The following ANKRD31 variants were observed in gnomAD, a reference collection of about 807,000 sequenced individuals.
The protein encoded by ANKRD31 is ankyrin repeat domain-containing protein 31.
Under a neutral mutation model 186.0 loss-of-function variants are expected in ANKRD31, and 147 were observed. The ratio of observed to expected loss-of-function variants is 0.79; its 90% confidence interval spans 0.69 to 0.91. ANKRD31 has a LOEUF of 0.91. Ranked by LOEUF, ANKRD31 falls within the 40% of genes least tolerant of loss-of-function variation. The pLI is 0.00. For missense variants in ANKRD31, 1,986 were observed against 2,148.8 expected, an observed-to-expected ratio of 0.92 and a Z score of 1.50; for synonymous variants, 673 against 736.4, an observed-to-expected ratio of 0.91 and a Z score of 1.39.
At chr5:75,090,895 G>A (rs757384827) in intron 23 of ANKRD31, among the ~76,000 whole-genome samples, 2 of 152,180 alleles carry the variant, frequency 1.3e-5, no homozygotes, top group African/African-American at 2.4e-5. Flanking sequence ...TATTAACTAA[G>A]TTACCAATAC....
At chr5:75,113,525 C>T (rs1747946520) in intron 19 of ANKRD31, among the ~76,000 whole-genome samples, 1 of 152,216 alleles carries the variant, frequency 6.6e-6, no homozygotes, top group African/African-American at 2.4e-5. Context: ...ATGGTTTCAA[C>T]ATTGTGGGTT....
chr5:75,104,061 A>G (rs1487853521), intron 22 of ANKRD31, among the ~76,000 whole-genome samples, 167 bp downstream of exon 22: 2 of 152,228 alleles, frequency 1.3e-5, no homozygotes, highest in Non-Finnish European at 2.9e-5. Context: ...CAATTCCAGA[A>G]ATATGAATTC....
At chr5:75,110,536 C>T (rs1351547101) in intron 20 of ANKRD31, among the ~76,000 whole-genome samples, 1 of 151,624 alleles carries the variant, frequency 6.6e-6, no homozygotes, top group African/African-American at 2.4e-5. Flanking sequence ...ATGGTGAAAC[C>T]CTGTCTTTAC....
intron 19 of ANKRD31, among the ~76,000 whole-genome samples, chr5:75,115,972 C>T (rs541947000): frequency 4.6e-5 from 7 of 151,856 alleles, no homozygotes; most frequent in Admixed American, 6.6e-5. Flanking sequence ...ATGTTTGTTG[C>T]GGCATTATTC....
chr5:75,220,637 C>T (rs111888930), intron 3 of ANKRD31, among the ~76,000 whole-genome samples: 4,810 of 122,674 alleles, frequency 0.039, 246 homozygotes, highest in African/African-American at 0.18. Context: ...AGCAAAACTC[C>T]GTCTCAAAAA....
At chr5:75,088,912 T>C (rs1745719673) in intron 23 of ANKRD31, among the ~76,000 whole-genome samples, 1 of 152,230 alleles carries the variant, frequency 6.6e-6, no homozygotes, top group Admixed American at 6.5e-5. Context: ...ACTTATTTTA[T>C]ACATAAGAAA....
intron 22 of ANKRD31, among the ~76,000 whole-genome samples, chr5:75,102,250 T>A (rs1256367396): frequency 6.6e-6 from 1 of 152,226 alleles, no homozygotes; most frequent in Non-Finnish European, 1.5e-5. Flanking sequence ...GAGCAGCCAA[T>A]ACTGCAGAAC....
chr5:75,199,147 G>A (rs1341132795), intron 6 of ANKRD31, among the ~76,000 whole-genome samples: 1 of 152,136 alleles, frequency 6.6e-6, no homozygotes, highest in Non-Finnish European at 1.5e-5. Flanking sequence ...GTTCCAGGTG[G>A]CAGTGAGTTA....
At chr5:75,225,991 G>A (rs1468054117) in intron 2 of ANKRD31, among the ~76,000 whole-genome samples, 1 of 152,180 alleles carries the variant, frequency 6.6e-6, no homozygotes, top group Non-Finnish European at 1.5e-5. Context: ...AGAGCCCTAG[G>A]GCATTAAGTG....
chr5:75,084,726 ATT>A (rs1390147062), intron 23 of ANKRD31, among the ~76,000 whole-genome samples: 2 of 152,226 alleles, frequency 1.3e-5, no homozygotes, highest in Non-Finnish European at 2.9e-5. Flanking sequence ...CTATTCACTT[ATT>A]CAACAACTAT....
At chr5:75,214,302 C>G (rs1356174533) in intron 3 of ANKRD31, among the ~76,000 whole-genome samples, 3 of 152,166 alleles carry the variant, frequency 2.0e-5, no homozygotes, top group Non-Finnish European at 4.4e-5. Flanking sequence ...CATCCTACTT[C>G]TTCCCAGAAA....
At chr5:75,216,194 T>C (rs1366428790) in intron 3 of ANKRD31, among the ~76,000 whole-genome samples, 1 of 152,186 alleles carries the variant, frequency 6.6e-6, no homozygotes, top group Non-Finnish European at 1.5e-5. Context: ...TGATAAAGTT[T>C]TGAAGAATAC....
intron 23 of ANKRD31, among the ~76,000 whole-genome samples, chr5:75,087,552 T>A (rs1745597481): frequency 1.3e-5 from 2 of 151,582 alleles, no homozygotes; most frequent in South Asian, 4.2e-4. Context: ...TCATGGATGA[T>A]CAAATAACTA....
chr5:75,214,885 T>A (rs1212924767), intron 3 of ANKRD31, among the ~76,000 whole-genome samples: 1 of 152,226 alleles, frequency 6.6e-6, no homozygotes, highest in East Asian at 1.9e-4. Flanking sequence ...AGACCAGTGA[T>A]GCCCACTGTA....
chr5:75,107,735 A>G (rs1747449489), intron 20 of ANKRD31, 118 bp from the exon 21 acceptor site: 1 of 597,072 alleles, frequency 1.7e-6, no homozygotes, highest in Admixed American at 3.3e-5. Context: ...GATCTTCCCC[A>G]ATATTAATAG....
At chr5:75,185,570 C>A (rs1218765118) in intron 10 of ANKRD31, among the ~76,000 whole-genome samples, 1 of 151,816 alleles carries the variant, frequency 6.6e-6, no homozygotes, top group Non-Finnish European at 1.5e-5. Context: ...CACACACACA[C>A]AAAAGAAATG....
At chr5:75,074,374 C>T (rs1290217243) in intron 25 of ANKRD31, among the ~76,000 whole-genome samples, 1 of 152,178 alleles carries the variant, frequency 6.6e-6, no homozygotes, top group African/African-American at 2.4e-5. Flanking sequence ...CTCCTTCCAC[C>T]ATAGCATTCC....
chr5:75,101,357 A>G (rs1746863893), intron 22 of ANKRD31, among the ~76,000 whole-genome samples: 2 of 151,152 alleles, frequency 1.3e-5, no homozygotes, highest in African/African-American at 2.4e-5. Flanking sequence ...TGCCCTTAAC[A>G]TTTTTTCCTT....
chr5:75,196,449 G>A (rs1462835563), intron 6 of ANKRD31, among the ~76,000 whole-genome samples: 3 of 152,092 alleles, frequency 2.0e-5, no homozygotes, highest in Non-Finnish European at 4.4e-5. Context: ...CATAATTACG[G>A]ATGGCAAATT....
Sources: allele counts gnomAD v4.1 joint callset (sites outside exome capture counted in the v4.1 genomes callset), GRCh38; gene constraint gnomAD v4.1.1; transcripts MANE v1.5; gene names NCBI Gene and HGNC (gene_info 2026-07-23, HGNC 2026-07-21).